Variants in MEIS1 observed in about 807,000 individuals in gnomAD.
MEIS1 encodes homeobox protein Meis1.
A neutral mutation model predicts 50.8 loss-of-function variants in MEIS1; 5 were observed. That is an observed-to-expected ratio of 0.10 (90% CI 0.05 to 0.21). The LOEUF (loss-of-function observed/expected upper bound fraction) is 0.21. Ranked by LOEUF, MEIS1 falls within the 10% of genes least tolerant of loss-of-function variation. The probability of loss-of-function intolerance (pLI) is 1.00; values close to 1 mark genes in which losing one functional copy is unlikely to be tolerated. For missense variants in MEIS1, 318 were observed against 517.3 expected (o/e 0.61, Z 3.74); for synonymous variants, 176 against 179.3 (o/e 0.98, Z 0.15).
chr2:66,491,891 C>T (rs1004959480), intron 7 of MEIS1, among the ~76,000 whole-genome samples: 2 of 151,948 alleles, frequency 1.3e-5, no homozygotes, highest in Admixed American at 6.6e-5. Flanking sequence ...ATTATTAGCA[C>T]CGTCCAAATG....
intron 7 of MEIS1, among the ~76,000 whole-genome samples, chr2:66,475,438 G>A (rs1386980630): frequency 6.6e-6 from 1 of 150,788 alleles, no homozygotes; most frequent in African/African-American, 2.4e-5. Flanking sequence ...GTATACAATA[G>A]GATAAAAAAT....
chr2:66,476,720 G>C (rs989201508), intron 7 of MEIS1, among the ~76,000 whole-genome samples: 1 of 152,114 alleles, frequency 6.6e-6, no homozygotes, highest in Non-Finnish European at 1.5e-5. Context: ...CCTTGTCACG[G>C]GGCCTGAAAG....
chr2:66,569,216 C>T, intron 12 of MEIS1, 71 bp downstream of exon 12: 1 of 1,279,344 alleles, frequency 7.8e-7, no homozygotes, highest in Non-Finnish European at 1.1e-6. Flanking sequence ...TTCTTATGTT[C>T]TCCTTGCCCA....
At chr2:66,480,940 T>C (rs576463151) in intron 7 of MEIS1, among the ~76,000 whole-genome samples, 1 of 152,268 alleles carries the variant, frequency 6.6e-6, no homozygotes, top group African/African-American at 2.4e-5. Flanking sequence ...GAAGAGTTTA[T>C]TTCTGACATG....
At chr2:66,459,890 G>A (rs1002703902) in intron 6 of MEIS1, among the ~76,000 whole-genome samples, 4 of 152,104 alleles carry the variant, frequency 2.6e-5, no homozygotes, top group Admixed American at 2.0e-4. Flanking sequence ...CATGGAGATG[G>A]TTTCGCAGGT....
intron 7 of MEIS1, among the ~76,000 whole-genome samples, chr2:66,494,344 T>A (rs1572852754): frequency 1.3e-5 from 2 of 152,194 alleles, no homozygotes; most frequent in Non-Finnish European, 2.9e-5. Flanking sequence ...GACACTTAAC[T>A]TTTTTTCTGT....
chr2:66,536,436 T>A (rs1674519146), intron 8 of MEIS1, among the ~76,000 whole-genome samples: 2 of 152,244 alleles, frequency 1.3e-5, no homozygotes, highest in African/African-American at 4.8e-5. Flanking sequence ...AGTCTTTTTC[T>A]GTTACTTAGA....
At chr2:66,451,215 G>A (rs957142782) in intron 6 of MEIS1, among the ~76,000 whole-genome samples, 1 of 152,052 alleles carries the variant, frequency 6.6e-6, no homozygotes, top group South Asian at 2.1e-4. Flanking sequence ...GCCCCTTTGT[G>A]TTCTTCCTCT....
chr2:66,573,276 G>C lies in MEIS1; in HGVS notation c.*2068G>C, dbSNP rs924636874. 43 of 152,158 alleles carry C rather than the reference G, an allele frequency of 2.8e-4. No homozygotes were observed. The highest frequency in any genetic ancestry group is 1.0e-3 in the African/African-American group (43 of 41,444). 9.4% of individuals were successfully genotyped at this position (152,158 alleles called of 1,614,324 possible). Reference sequence around the variant, plus strand: ...CCGGCTAAATGGTAGAAAATAATATGTTTAAGCTGGAATAGCTTATAATTT... The same window carrying C: ...CCGGCTAAATGGTAGAAAATAATATCTTTAAGCTGGAATAGCTTATAATTT... On this transcript the variant is annotated 3_prime_UTR_variant, in exon 13 of 13. Coordinates refer to ENST00000272369, the MANE Select transcript of MEIS1 (RefSeq NM_002398.3).
Position 66,458,952 on chromosome 2 carries a change from G to A in MEIS1, c.631-5157G>A, listed in dbSNP as rs112958156. ...CTAATATAATATCAACATTTTCCTA[G>A]GATGGAGGATATAAGCATAAATAAG... On this transcript the variant is annotated intron_variant, in intron 6 of 12. Transcript: ENST00000272369. Among the ~76,000 whole-genome samples, 1,300 of 152,216 alleles carry A rather than the reference G, an allele frequency of 8.5e-3. 24 individuals carry two copies. The highest frequency in any genetic ancestry group is 0.03 in the African/African-American group (1,255 of 41,528).
intron 7 of MEIS1, among the ~76,000 whole-genome samples, chr2:66,481,437 T>C (rs1373405478): frequency 1.3e-5 from 2 of 152,228 alleles, no homozygotes; most frequent in African/African-American, 2.4e-5. Flanking sequence ...TCTGGACTTA[T>C]CTGGGTTGAG....
chr2:66,544,405 G>T (rs1364287810), intron 8 of MEIS1, among the ~76,000 whole-genome samples: 2 of 152,196 alleles, frequency 1.3e-5, no homozygotes, highest in East Asian at 1.9e-4. Context: ...GCTGGTTAAG[G>T]ATTAACTACA....
At chr2:66,456,693 G>A (rs543933406) in intron 6 of MEIS1, among the ~76,000 whole-genome samples, 7 of 152,360 alleles carry the variant, frequency 4.6e-5, no homozygotes, top group Admixed American at 2.6e-4. Context: ...GTAAGCGAGT[G>A]AGGGAGGGGC....
intron 7 of MEIS1, among the ~76,000 whole-genome samples, chr2:66,477,001 G>A (rs939168947): frequency 2.0e-5 from 3 of 152,142 alleles, no homozygotes; most frequent in African/African-American, 4.8e-5. Context: ...GGGTGTGAGA[G>A]AGGAAGAGTC....
At chr2:66,443,079 GA>G (rs368068335) in intron 6 of MEIS1, 31 bp downstream of exon 6, 42,009 of 966,564 alleles carry the variant, frequency 0.043, 2 homozygotes, top group South Asian at 0.067. Context: ...ACATCCCTGG[GA>G]AAAAAAAAAA....
chr2:66,470,670 C>T (rs1199463353), intron 7 of MEIS1, among the ~76,000 whole-genome samples: 1 of 152,176 alleles, frequency 6.6e-6, no homozygotes, highest in Non-Finnish European at 1.5e-5. Context: ...TAGGCAACAT[C>T]ACCAGTAAAC....
chr2:66,493,202 A>G (rs1673315793), intron 7 of MEIS1, among the ~76,000 whole-genome samples: 1 of 152,190 alleles, frequency 6.6e-6, no homozygotes, highest in Non-Finnish European at 1.5e-5. Context: ...AAATGCTGGC[A>G]TTTACTTTTT....
At chr2:66,564,996 G>C (rs1227171949) in intron 9 of MEIS1, among the ~76,000 whole-genome samples, 1 of 152,026 alleles carries the variant, frequency 6.6e-6, no homozygotes, top group Non-Finnish European at 1.5e-5. Flanking sequence ...TATAGATGGG[G>C]TGGCCTCTTA....
At chr2:66,518,946 A>AT (rs1437624519) in intron 8 of MEIS1, among the ~76,000 whole-genome samples, 1 of 152,164 alleles carries the variant, frequency 6.6e-6, no homozygotes, top group Admixed American at 6.6e-5. Context: ...ATGTCGTGGA[A>AT]TTTAGGATCC....
Sources: allele counts gnomAD v4.1 joint callset (sites outside exome capture counted in the v4.1 genomes callset), GRCh38; gene constraint gnomAD v4.1.1; transcripts MANE v1.5; gene names NCBI Gene and HGNC (gene_info 2026-07-23, HGNC 2026-07-21).